Variants in SLC12A6 observed in about 807,000 individuals in gnomAD.
SLC12A6 encodes the protein solute carrier family 12 member 6.
In SLC12A6, 66 loss-of-function variants were observed where a neutral mutation model predicts 135.3. The observed-to-expected ratio is 0.49, with a 90% CI of 0.40 to 0.60. SLC12A6 has a LOEUF of 0.60. Ranked by LOEUF, SLC12A6 falls within the 20% of genes least tolerant of loss-of-function variation. The pLI, the probability that SLC12A6 is intolerant of heterozygous loss-of-function variation, is 0.00. For missense variants in SLC12A6, 1,058 were observed against 1,452.3 expected, an observed-to-expected ratio of 0.73 and a Z score of 4.41; for synonymous variants, 513 against 508.8, an observed-to-expected ratio of 1.01 and a Z score of -0.11.
intron 1 of SLC12A6, chr15:34,337,107 G>A (rs564666948): frequency 4.1e-5 from 12 of 294,462 alleles, no homozygotes; most frequent in South Asian, 3.4e-4. Context: ...GTGTCCCACG[G>A]TTCTAGTTGG....
intron 2 of SLC12A6, among the ~76,000 whole-genome samples, chr15:34,290,686 T>A (rs562817772): frequency 6.6e-6 from 1 of 152,230 alleles, no homozygotes; most frequent in Non-Finnish European, 1.5e-5. Flanking sequence ...ACATTTAGGA[T>A]AGTTAGCTCT....
intron 3 of SLC12A6, among the ~76,000 whole-genome samples, chr15:34,266,391 A>G (rs1893524023): frequency 6.6e-6 from 1 of 152,086 alleles, no homozygotes. Context: ...TGTTTATACC[A>G]CATAATAACA....
Position 34,337,764 on chromosome 15 carries a change from G to C in SLC12A6, c.-505C>G, listed in dbSNP as rs1595599952. On this transcript the variant is annotated 5_prime_UTR_variant, in exon 1 of 26. Transcript: ENST00000354181. ...TGATGCGGGTGCGCGCGCAGCTGTTGTTTACTAGCCGGTAACTGTTTCAGA... is the reference window on the plus strand; with the variant it reads ...TGATGCGGGTGCGCGCGCAGCTGTTCTTTACTAGCCGGTAACTGTTTCAGA... The C allele has an allele frequency of 6.6e-6, 1 of 152,260 alleles. No individual in the cohort carries two copies. The highest frequency in any genetic ancestry group is 6.5e-5 in the Admixed American group (1 of 15,288). 9.4% of individuals were successfully genotyped at this position (152,260 alleles called of 1,614,324 possible).
intron 5 of SLC12A6, 129 bp downstream of exon 5, chr15:34,258,684 A>C: frequency 2.4e-6 from 2 of 823,484 alleles, no homozygotes; most frequent in Non-Finnish European, 4.3e-6. Flanking sequence ...GCTGGTGCCC[A>C]GAACAGTTCC....
rs1218111494 is a variant in SLC12A6, at chr15:34,251,040, A to G, written c.1351T>C (p.Tyr451His). The G allele has an allele frequency of 6.2e-7, 1 of 1,609,608 alleles. No individual in the cohort carries two copies. The highest frequency in any genetic ancestry group is 1.3e-5 in the African/African-American group (1 of 74,786). ...GIITENLWSN[Y>H]LPKGEIIEKP... ...TCGATGATCTCTCCCTTGGGTAGGT[A>G]ATTACTCCAAAGATTCTCTGCAGTG... The change falls in exon 11 of 26, where the codon TAC becomes CAC. Residue 451 changes from tyrosine (Y) to histidine (H), a missense_variant. Transcript: ENST00000354181.
chr15:34,317,607 G>A (rs968706771), intron 2 of SLC12A6, among the ~76,000 whole-genome samples: 14 of 152,150 alleles, frequency 9.2e-5, no homozygotes, highest in Non-Finnish European at 1.9e-4. Flanking sequence ...GGAGGCTGAG[G>A]CAAAAGAATC....
At chr15:34,301,405 A>G (rs948210137) in intron 2 of SLC12A6, among the ~76,000 whole-genome samples, 3 of 152,222 alleles carry the variant, frequency 2.0e-5, no homozygotes, top group Non-Finnish European at 4.4e-5. Flanking sequence ...GAACTTTCCT[A>G]AAAGCCAATG....
At chr15:34,304,132 T>G (rs1896441299) in intron 2 of SLC12A6, among the ~76,000 whole-genome samples, 1 of 152,212 alleles carries the variant, frequency 6.6e-6, no homozygotes, top group South Asian at 2.1e-4. Flanking sequence ...TCTATAAATT[T>G]ACCTATTCTG....
At chr15:34,291,224 T>A (rs2140969073) in intron 2 of SLC12A6, among the ~76,000 whole-genome samples, 1 of 152,332 alleles carries the variant, frequency 6.6e-6, no homozygotes, top group African/African-American at 2.4e-5. Flanking sequence ...AGGATTTTAT[T>A]TCTCCTTCAC....
In SLC12A6 at chr15:34,322,978, CA is replaced by C. The variant is rs1218702689; in HGVS notation, c.271+13431del. Among the ~76,000 whole-genome samples the C allele has an allele frequency of 7.2e-3, 279 of 39,004 alleles. 1 individual carries two copies. Among genetic ancestry groups the C allele is most frequent in the Non-Finnish European group, 8.9e-3 (178 of 19,944 alleles). 25.6% of individuals were successfully genotyped at this position (39,004 alleles called of 152,430 possible). A position where few individuals can be genotyped will look rare whatever the true frequency, so the allele number is the denominator to read the frequency against. On this transcript the variant is annotated intron_variant, in intron 2 of 25. Coordinates refer to ENST00000354181, the MANE Select transcript of SLC12A6 (RefSeq NM_001365088.1). Reference sequence around the variant, plus strand: ...TGGGCGACAGAGTGAAACTCTGTCTCAAAAAAAAAAAAAAAAAAAAAAAAAG... The same window carrying C: ...TGGGCGACAGAGTGAAACTCTGTCTCAAAAAAAAAAAAAAAAAAAAAAAAG...
intron 2 of SLC12A6, among the ~76,000 whole-genome samples, chr15:34,330,224 T>TC (rs1439783012): frequency 6.6e-6 from 1 of 152,146 alleles, no homozygotes; most frequent in African/African-American, 2.4e-5. Flanking sequence ...CCATCACTCC[T>TC]CCTCCACCCC....
At chr15:34,288,449 T>C (rs1425565766) in intron 2 of SLC12A6, among the ~76,000 whole-genome samples, 1 of 152,248 alleles carries the variant, frequency 6.6e-6, no homozygotes, top group East Asian at 1.9e-4. Flanking sequence ...TTGCACAGGA[T>C]TGCCTTGGCA....
At chr15:34,318,666 TA>T in intron 2 of SLC12A6, 1 of 1,613,548 alleles carries the variant, frequency 6.2e-7, no homozygotes, top group Non-Finnish European at 8.5e-7. Context: ...TTAGTCACAG[TA>T]AAATGTGGCA....
chr15:34,242,350 C>T (rs1038347349), intron 16 of SLC12A6, 129 bp from the exon 17 acceptor site: 14 of 679,732 alleles, frequency 2.1e-5, no homozygotes, highest in African/African-American at 3.6e-5. Flanking sequence ...ATAAATAGAA[C>T]TTTTGTAAAA....
chr15:34,263,325 C>T (rs564127016), intron 3 of SLC12A6, among the ~76,000 whole-genome samples: 4 of 152,172 alleles, frequency 2.6e-5, no homozygotes, highest in Non-Finnish European at 5.9e-5. Context: ...CAGGAGGATT[C>T]CTTGAGCCCA....
intron 2 of SLC12A6, among the ~76,000 whole-genome samples, chr15:34,331,423 G>A (rs547817136): frequency 6.6e-5 from 10 of 152,338 alleles, no homozygotes; most frequent in Admixed American, 3.3e-4. Context: ...TTACAGGCGT[G>A]AGCCACCGCG....
At chr15:34,318,186 A>T (rs901556079) in intron 2 of SLC12A6, among the ~76,000 whole-genome samples, 4 of 152,256 alleles carry the variant, frequency 2.6e-5, no homozygotes, top group African/African-American at 9.6e-5. Context: ...GCTAAGTTTA[A>T]ATGTCATCCA....
intron 3 of SLC12A6, 135 bp from the exon 4 acceptor site, chr15:34,261,155 C>A: frequency 3.0e-6 from 2 of 672,658 alleles, no homozygotes; most frequent in Admixed American, 4.6e-5. Context: ...AGAACTCAAT[C>A]AGCACTGCTT....
rs183259303 is a variant in SLC12A6, at chr15:34,281,328, A to T, written c.272-5939T>A. 1.3e-3 allele frequency among the ~76,000 whole-genome samples: 203 copies of T among 152,296 alleles called. 1 individual carries two copies. Among genetic ancestry groups the T allele is most frequent in the Non-Finnish European group, 2.2e-3 (153 of 68,024 alleles). Reference sequence around the variant, plus strand: ...CAAAGACAATTACTCTAACATTCACATTTATTAGATTCTGCCTGTCTATAT... The same window carrying T: ...CAAAGACAATTACTCTAACATTCACTTTTATTAGATTCTGCCTGTCTATAT... On this transcript the variant is annotated intron_variant, in intron 2 of 25. Transcript: ENST00000354181.
Sources: allele counts gnomAD v4.1 joint callset (sites outside exome capture counted in the v4.1 genomes callset), GRCh38; gene constraint gnomAD v4.1.1; transcripts MANE v1.5; gene names NCBI Gene and HGNC (gene_info 2026-07-23, HGNC 2026-07-21).